NDUFAF6: variants seen among roughly 807,000 people sequenced by gnomAD.
The protein encoded by NDUFAF6 is NADH:ubiquinone oxidoreductase complex assembly factor 6, also known as NADH dehydrogenase (ubiquinone) complex I, assembly factor 6.
In NDUFAF6, 45 loss-of-function variants were observed where a neutral mutation model predicts 40.8. The ratio of observed to expected loss-of-function variants is 1.10; its 90% CI spans 0.87 to 1.42. The LOEUF (loss-of-function observed/expected upper bound fraction) is 1.42. NDUFAF6 is among the 40% of genes most tolerant of loss of function. The pLI is 0.00. For missense variants in NDUFAF6, 435 were observed against 418.5 expected (o/e 1.04, Z -0.34); for synonymous variants, 185 against 155.9 (o/e 1.19, Z -1.39).
chr8:94,940,863 C>T (rs369359431), intron 1 of NDUFAF6: 2 of 1,613,590 alleles, frequency 1.2e-6, no homozygotes, highest in Non-Finnish European at 1.7e-6. Context: ...TCATCATCTT[C>T]TTTCTCATTG....
intron 2 of NDUFAF6, among the ~76,000 whole-genome samples, chr8:94,996,340 C>T (rs1380117348): frequency 6.6e-6 from 1 of 152,176 alleles, no homozygotes; most frequent in African/African-American, 2.4e-5. Context: ...AAGATACTTT[C>T]CTTATACCCT....
At chr8:95,019,942 TA>T (rs1405109550) in intron 2 of NDUFAF6, among the ~76,000 whole-genome samples, 1 of 152,196 alleles carries the variant, frequency 6.6e-6, no homozygotes, top group Non-Finnish European at 1.5e-5. Flanking sequence ...CTCATGCCTG[TA>T]ATCCCAGCAC....
At chr8:94,935,052 G>A (rs1820818737) in intron 1 of NDUFAF6, among the ~76,000 whole-genome samples, 1 of 152,008 alleles carries the variant, frequency 6.6e-6, no homozygotes, top group South Asian at 2.1e-4. Flanking sequence ...AAATTAATGT[G>A]CTGCCTAGGG....
downstream of NDUFAF6, among the ~76,000 whole-genome samples, chr8:95,077,743 C>A (rs1290542779): frequency 6.6e-6 from 1 of 152,060 alleles, no homozygotes; most frequent in Non-Finnish European, 1.5e-5. Context: ...GGACATTTCC[C>A]AGGGGGATGT....
At chr8:94,947,235 A>G (rs967048604) in intron 2 of NDUFAF6, among the ~76,000 whole-genome samples, 3 of 151,782 alleles carry the variant, frequency 2.0e-5, no homozygotes, top group Non-Finnish European at 4.4e-5. Flanking sequence ...TTCAGAAAAC[A>G]GCCCTTTTCA....
chr8:94,909,797 T>C (rs1818649064), intron 1 of NDUFAF6, among the ~76,000 whole-genome samples: 1 of 145,554 alleles, frequency 6.9e-6, no homozygotes, highest in Non-Finnish European at 1.5e-5. Flanking sequence ...TGTATATATA[T>C]ACACATATAT....
At chr8:94,985,503 A>T (rs1586903916) in intron 2 of NDUFAF6, among the ~76,000 whole-genome samples, 1 of 7,740 alleles carries the variant, frequency 1.3e-4, no homozygotes, top group Non-Finnish European at 2.3e-4. Flanking sequence ...ATATATATAT[A>T]TATATATATA....
chr8:95,017,099 AT>A (rs781650429), intron 2 of NDUFAF6, among the ~76,000 whole-genome samples: 1,695 of 111,908 alleles, frequency 0.015, 19 homozygotes, highest in Non-Finnish European at 0.02. Context: ...TGCCCAGCTA[AT>A]TTTTTTTTTT....
At chr8:94,902,693 CTT>C (rs35185664) in intron 1 of NDUFAF6, among the ~76,000 whole-genome samples, 8 of 121,514 alleles carry the variant, frequency 6.6e-5, no homozygotes, top group African/African-American at 6.2e-5. Context: ...TGTGGACATA[CTT>C]TTTTTTTTTT....
At chr8:95,055,093 A>G (rs576552298) in intron 8 of NDUFAF6, 2 of 152,294 alleles carry the variant, frequency 1.3e-5, no homozygotes, top group East Asian at 3.9e-4. Context: ...TTGAGCTCTA[A>G]TTTTGAGGTC....
At chr8:95,102,316 A>T (rs1449223307) in intron 2 of NDUFAF6, among the ~76,000 whole-genome samples, 1 of 152,234 alleles carries the variant, frequency 6.6e-6, no homozygotes, top group Non-Finnish European at 1.5e-5. Flanking sequence ...ATTATTAACT[A>T]TTAACAGGGG....
chr8:95,005,526 A>AATATATATATATATATATATATATAT (rs760333438), intron 2 of NDUFAF6, among the ~76,000 whole-genome samples: 3 of 7,264 alleles, frequency 4.1e-4, no homozygotes, highest in African/African-American at 2.2e-3. Flanking sequence ...GGTCCTTTTA[A>AATATATATATATATATATATATATAT]ATATATATAT....
At chr8:94,940,208 C>A in intron 1 of NDUFAF6, 1 of 1,610,168 alleles carries the variant, frequency 6.2e-7, no homozygotes, top group South Asian at 1.1e-5. Flanking sequence ...TGCTGAGAAA[C>A]CAGTGCAAGT....
intron 9 of NDUFAF6, chr8:95,068,238 T>G (rs980325204): frequency 1.3e-5 from 2 of 151,972 alleles, no homozygotes; most frequent in African/African-American, 4.9e-5. Flanking sequence ...CATCTTCTTA[T>G]GCATGTTTAT....
chr8:94,997,532 T>G (rs1826511428), intron 2 of NDUFAF6, among the ~76,000 whole-genome samples: 1 of 152,224 alleles, frequency 6.6e-6, no homozygotes, highest in African/African-American at 2.4e-5. Flanking sequence ...GAGGACATTT[T>G]ACTGGGTTTT....
At chr8:95,024,918 T>C (rs938892544), upstream of NDUFAF6, 2 of 1,144,208 alleles carry the variant, frequency 1.7e-6, no homozygotes, top group African/African-American at 1.6e-5. Context: ...TTCCCGCGAC[T>C]CAAAGGAGCA....
At chr8:95,017,251 T>C (rs1827501313) in intron 2 of NDUFAF6, among the ~76,000 whole-genome samples, 5 of 152,004 alleles carry the variant, frequency 3.3e-5, no homozygotes, top group Admixed American at 3.3e-4. Context: ...CATCTGGTGC[T>C]TCTTAATGAG....
intron 1 of NDUFAF6, among the ~76,000 whole-genome samples, chr8:94,907,336 A>C (rs148517027): frequency 0.013 from 2,037 of 152,340 alleles, 35 homozygotes; most frequent in South Asian, 0.056. Flanking sequence ...CAGTTGTTGG[A>C]TACACTGCTG....
chr8:95,114,977 G>T (rs896618554), intron 4 of NDUFAF6, among the ~76,000 whole-genome samples: 3 of 151,934 alleles, frequency 2.0e-5, no homozygotes, highest in Non-Finnish European at 4.4e-5. Flanking sequence ...CAGGTGAATC[G>T]CTGGAACCTG....
Sources: allele counts gnomAD v4.1 joint callset (sites outside exome capture counted in the v4.1 genomes callset), GRCh38; gene constraint gnomAD v4.1.1; transcripts MANE v1.5; gene names NCBI Gene and HGNC (gene_info 2026-07-23, HGNC 2026-07-21).